The following MAST4 variants were observed in gnomAD, a reference collection of about 807,000 sequenced individuals.
MAST4 encodes microtubule-associated serine/threonine-protein kinase 4.
A neutral mutation model predicts 162.7 loss-of-function variants in MAST4; 89 were observed. That is an observed-to-expected ratio of 0.55 (90% CI 0.46 to 0.65). The LOEUF is 0.65. MAST4 is among the 30% of genes least tolerant of loss of function. The pLI, the probability that MAST4 is intolerant of heterozygous loss-of-function variation, is 0.00. For synonymous variants in MAST4, 1,479 were observed against 1,361.1 expected (o/e 1.09, Z -1.91); for missense variants, 3,153 against 3,374.0 (o/e 0.93, Z 1.62).
intron 3 of MAST4, among the ~76,000 whole-genome samples, chr5:66,814,011 CTT>C (rs909872571): frequency 1.1e-4 from 16 of 152,200 alleles, no homozygotes; most frequent in African/African-American, 3.6e-4. Flanking sequence ...GAGTTGAACA[CTT>C]TCTGCTTCAC....
At chr5:66,997,130 TATTAA>T (rs1452685207) in intron 4 of MAST4, among the ~76,000 whole-genome samples, 17 of 152,156 alleles carry the variant, frequency 1.1e-4, no homozygotes, top group African/African-American at 3.4e-4. Flanking sequence ...AAATATTGCA[TATTAA>T]ATTATAATTC....
chr5:67,075,756 C>G (rs1323677554), intron 5 of MAST4, among the ~76,000 whole-genome samples: 1 of 152,186 alleles, frequency 6.6e-6, no homozygotes, highest in Non-Finnish European at 1.5e-5. Flanking sequence ...GGCATTATCT[C>G]ACACATTGTT....
At chr5:67,040,205 A>C (rs1016776307) in intron 4 of MAST4, among the ~76,000 whole-genome samples, 2 of 152,162 alleles carry the variant, frequency 1.3e-5, no homozygotes, top group Non-Finnish European at 2.9e-5. Flanking sequence ...AAACCAGAAA[A>C]GTCATATAAA....
intron 4 of MAST4, among the ~76,000 whole-genome samples, chr5:67,033,673 T>G (rs1755664417): frequency 6.6e-6 from 1 of 152,176 alleles, no homozygotes; most frequent in African/African-American, 2.4e-5. Flanking sequence ...ATAAGCTGAT[T>G]AACTTTGACT....
intron 4 of MAST4, among the ~76,000 whole-genome samples, chr5:67,018,501 C>T (rs1389326671): frequency 6.6e-6 from 1 of 151,806 alleles, no homozygotes; most frequent in Non-Finnish European, 1.5e-5. Context: ...GGCAACAGAA[C>T]AAGACCCTGT....
chr5:66,804,828 A>T (rs537059440), intron 3 of MAST4, among the ~76,000 whole-genome samples: 1 of 151,968 alleles, frequency 6.6e-6, no homozygotes, highest in Non-Finnish European at 1.5e-5. Flanking sequence ...TGATTTTTAA[A>T]TTTTTTCTTA....
At chr5:66,827,024 G>T (rs1024822281) in intron 3 of MAST4, among the ~76,000 whole-genome samples, 3 of 152,174 alleles carry the variant, frequency 2.0e-5, no homozygotes, top group African/African-American at 7.2e-5. Flanking sequence ...TTAAAGTGCA[G>T]GTGAGCCTGT....
chr5:66,704,096 G>C (rs959314319), intron 1 of MAST4, among the ~76,000 whole-genome samples: 75 of 152,146 alleles, frequency 4.9e-4, no homozygotes, highest in African/African-American at 1.8e-3. Flanking sequence ...TTATGATTAA[G>C]AAACACACTT....
intron 14 of MAST4, among the ~76,000 whole-genome samples, chr5:67,129,313 A>G (rs1289101564): frequency 6.6e-6 from 1 of 152,200 alleles, no homozygotes; most frequent in African/African-American, 2.4e-5. Context: ...TTAAACACAT[A>G]CTTCTCATTT....
chr5:67,048,453 T>C (rs1459970699), intron 4 of MAST4, among the ~76,000 whole-genome samples: 1 of 152,180 alleles, frequency 6.6e-6, no homozygotes, highest in Admixed American at 6.5e-5. Context: ...AGTGAACATG[T>C]ATCAAATATT....
At chr5:66,601,306 A>G (rs1019037628) in intron 1 of MAST4, among the ~76,000 whole-genome samples, 3 of 152,246 alleles carry the variant, frequency 2.0e-5, no homozygotes, top group Non-Finnish European at 4.4e-5. Flanking sequence ...GAGCCACAAG[A>G]TCAGAAAATC....
At chr5:66,702,986 G>A (rs1447402782) in intron 1 of MAST4, among the ~76,000 whole-genome samples, 1 of 152,178 alleles carries the variant, frequency 6.6e-6, no homozygotes, top group Non-Finnish European at 1.5e-5. Context: ...TTACAAGGAA[G>A]TGGCCAGATG....
chr5:67,075,320 G>GT (rs1761506435), intron 5 of MAST4, among the ~76,000 whole-genome samples: 1 of 151,810 alleles, frequency 6.6e-6, no homozygotes, highest in South Asian at 2.1e-4. Context: ...CTACAGGCGT[G>GT]TACCACCATG....
intron 3 of MAST4, among the ~76,000 whole-genome samples, chr5:66,895,428 C>T (rs1762621951): frequency 6.6e-6 from 1 of 152,088 alleles, no homozygotes; most frequent in South Asian, 2.1e-4. Flanking sequence ...CTTTTTCTTG[C>T]ACCCAGATTC....
chr5:66,745,284 G>T (rs949184968), intron 1 of MAST4, among the ~76,000 whole-genome samples: 3 of 152,090 alleles, frequency 2.0e-5, no homozygotes, highest in Non-Finnish European at 4.4e-5. Flanking sequence ...TTCAGCATCT[G>T]GTCCATAGGA....
chr5:66,682,377 G>A (rs971131718), intron 1 of MAST4, among the ~76,000 whole-genome samples: 4 of 152,304 alleles, frequency 2.6e-5, no homozygotes, highest in East Asian at 1.9e-4. Context: ...TCGCCTAGAC[G>A]TTAAATGTTT....
At chr5:67,078,534 A>T (rs1328194478) in intron 5 of MAST4, among the ~76,000 whole-genome samples, 1 of 150,150 alleles carries the variant, frequency 6.7e-6, no homozygotes, top group Non-Finnish European at 1.5e-5. Flanking sequence ...TGTGGTAATC[A>T]TTTTATAATT....
At chr5:66,901,361 G>A (rs1763000767) in intron 4 of MAST4, among the ~76,000 whole-genome samples, 1 of 151,960 alleles carries the variant, frequency 6.6e-6, no homozygotes. Context: ...TAAAGATTAT[G>A]TTAATTACAG....
chr5:66,977,677 T>A (rs1748323359), intron 4 of MAST4, among the ~76,000 whole-genome samples: 1 of 152,210 alleles, frequency 6.6e-6, no homozygotes, highest in African/African-American at 2.4e-5. Flanking sequence ...TGCTCTTGGG[T>A]TTACATTAGC....
Sources: gnomAD v4.1 joint callset for allele counts (sites outside exome capture counted in the v4.1 genomes callset) on GRCh38, gnomAD v4.1.1 for gene constraint, MANE v1.5 for transcripts, NCBI Gene and HGNC (gene_info 2026-07-23, HGNC 2026-07-21) for gene names.